CA10: variants seen among roughly 807,000 people sequenced by gnomAD.
CA10 encodes the protein carbonic anhydrase-related protein 10.
CA10 carries 14 observed loss-of-function variants against 44.2 expected under a neutral mutation model. The observed-to-expected ratio is 0.32, with a 90% CI of 0.21 to 0.50. The LOEUF is 0.50. Among genes scored for constraint, CA10 ranks in the 20% least tolerant of loss-of-function variants. The pLI is 0.99. For missense variants in CA10, 350 were observed against 409.7 expected, an observed-to-expected ratio of 0.85 and a Z score of 1.26; for synonymous variants, 159 against 141.6, an observed-to-expected ratio of 1.12 and a Z score of -0.87.
chr17:52,150,207 G>C (rs1269909839), intron 1 of CA10, among the ~76,000 whole-genome samples: 1 of 151,896 alleles, frequency 6.6e-6, no homozygotes, highest in African/African-American at 2.4e-5. Context: ...AATCTTCCAC[G>C]ACAACTCTTT....
At chr17:51,682,363 G>A (rs965030341) in intron 4 of CA10, among the ~76,000 whole-genome samples, 3 of 152,340 alleles carry the variant, frequency 2.0e-5, no homozygotes, top group East Asian at 1.9e-4. Context: ...CCTGGCCACT[G>A]TGAGGAGGCT....
At chr17:51,930,918 C>G in intron 3 of CA10, 72 bp downstream of exon 3, 1 of 1,566,922 alleles carries the variant, frequency 6.4e-7, no homozygotes, top group Admixed American at 1.7e-5. Context: ...AGACTGAAGC[C>G]TTGAGGATTA....
chr17:52,000,211 C>T (rs187383434), intron 2 of CA10, among the ~76,000 whole-genome samples: 3 of 152,178 alleles, frequency 2.0e-5, no homozygotes, highest in African/African-American at 4.8e-5. Flanking sequence ...TTAAGGAAGT[C>T]CTCAAGCCCT....
chr17:51,782,159 T>C (rs1377695624), intron 3 of CA10, among the ~76,000 whole-genome samples: 3 of 152,272 alleles, frequency 2.0e-5, no homozygotes, highest in African/African-American at 7.2e-5. Flanking sequence ...AGACTTAATT[T>C]GAAAAGACTT....
At chr17:52,129,579 A>T (rs1187905071) in intron 1 of CA10, among the ~76,000 whole-genome samples, 1 of 152,224 alleles carries the variant, frequency 6.6e-6, no homozygotes, top group East Asian at 1.9e-4. Flanking sequence ...GAGCTTAACC[A>T]GTGAGACTTT....
At position 51,631,348 on chromosome 17, in the gene CA10, TTGCATGTGTTTGTATGTATG is replaced by T; in HGVS notation, c.*216_*235del. 1.8e-6 allele frequency: 1 copy of T among 569,074 alleles called. No homozygotes were observed. Among genetic ancestry groups the T allele is most frequent in the South Asian group, 2.2e-5 (1 of 45,680 alleles). The allele number at this position is 569,074 out of a possible 1,614,324, so 35.3% of individuals were successfully genotyped here. On this transcript the variant is annotated 3_prime_UTR_variant, in exon 9 of 9. Coordinates refer to ENST00000451037, the MANE Select transcript of CA10 (RefSeq NM_020178.5). ...AGAGTGTGTGTGTGTGTAGGTATGT[TTGCATGTGTTTGTATGTATG>T]TGCAAGTGCTTGTGTGTGTGTTTGT...
chr17:52,010,625 T>G (rs1051547839), intron 2 of CA10, among the ~76,000 whole-genome samples: 2 of 151,082 alleles, frequency 1.3e-5, no homozygotes, highest in Admixed American at 1.3e-4. Flanking sequence ...TGGGGGAAAA[T>G]GTGGGGGATG....
At chr17:51,984,527 T>C (rs984065278) in intron 2 of CA10, among the ~76,000 whole-genome samples, 3 of 151,268 alleles carry the variant, frequency 2.0e-5, no homozygotes, top group African/African-American at 7.3e-5. Flanking sequence ...CTAAATAACA[T>C]AGAAACAAAC....
At chr17:51,879,258 G>C (rs150824097) in intron 3 of CA10, among the ~76,000 whole-genome samples, 1 of 152,188 alleles carries the variant, frequency 6.6e-6, no homozygotes, top group Admixed American at 6.5e-5. Context: ...ATTTTTTCAT[G>C]TGTAGCTCTA....
At chr17:51,910,117 G>A (rs1981728543) in intron 3 of CA10, among the ~76,000 whole-genome samples, 1 of 152,070 alleles carries the variant, frequency 6.6e-6, no homozygotes, top group African/African-American at 2.4e-5. Flanking sequence ...AATAACAGAA[G>A]GGGAGGCTCA....
intron 3 of CA10, among the ~76,000 whole-genome samples, chr17:51,765,400 C>T (rs1291885072): frequency 9.2e-5 from 14 of 152,080 alleles, no homozygotes; most frequent in Admixed American, 9.2e-4. Context: ...CAATACAGCA[C>T]AGTTCATTTT....
At chr17:52,050,192 T>C (rs1168214407) in intron 2 of CA10, among the ~76,000 whole-genome samples, 1 of 152,044 alleles carries the variant, frequency 6.6e-6, no homozygotes, top group Admixed American at 6.6e-5. Context: ...ATTCAGACAA[T>C]GGCACCATCA....
Position 52,105,012 on chromosome 17 carries a change from G to A in CA10, c.62-32619C>T, listed in dbSNP as rs150894260. ...TAGCTGCACTTTAGACTCACCTGAA[G>A]TCTAGACGCTCAGCTTCCAGGGATT... On this transcript the variant is annotated intron_variant, in intron 1 of 8. Transcript: ENST00000451037. 2.7e-3 allele frequency among the ~76,000 whole-genome samples: 415 copies of A among 152,282 alleles called. 1 individual carries two copies. The highest frequency in any genetic ancestry group is 9.6e-3 in the African/African-American group (399 of 41,560).
At chr17:52,062,636 AC>A (rs1446876291) in intron 2 of CA10, among the ~76,000 whole-genome samples, 2 of 152,126 alleles carry the variant, frequency 1.3e-5, no homozygotes, top group Non-Finnish European at 2.9e-5. Flanking sequence ...GGCACAAATA[AC>A]CCCACATACT....
chr17:52,016,059 G>A (rs920731923), intron 2 of CA10, among the ~76,000 whole-genome samples: 15 of 151,950 alleles, frequency 9.9e-5, no homozygotes, highest in African/African-American at 3.6e-4. Context: ...GAGAAGGGTG[G>A]GATGGATGGA....
At chr17:51,893,799 C>T (rs565007871) in intron 3 of CA10, among the ~76,000 whole-genome samples, 1 of 152,124 alleles carries the variant, frequency 6.6e-6, no homozygotes, top group African/African-American at 2.4e-5. Context: ...GTTATTCAGA[C>T]AAAATCAGAG....
intron 1 of CA10, among the ~76,000 whole-genome samples, chr17:52,138,223 T>C (rs1378191611): frequency 6.6e-6 from 1 of 152,228 alleles, no homozygotes; most frequent in Non-Finnish European, 1.5e-5. Context: ...CCTCAGCTTC[T>C]GTTCTCACAT....
chr17:51,792,713 T>C (rs1270302486), intron 3 of CA10, among the ~76,000 whole-genome samples: 1 of 152,210 alleles, frequency 6.6e-6, no homozygotes, highest in African/African-American at 2.4e-5. Context: ...TGGTCTGCAT[T>C]ATACAGTGAG....
At position 52,088,413 on chromosome 17, in the gene CA10, G is replaced by C. The variant is rs73360913; in HGVS notation, c.62-16020C>G. On this transcript the variant is annotated intron_variant, in intron 1 of 8. Coordinates refer to ENST00000451037, the MANE Select transcript of CA10 (RefSeq NM_020178.5). ...TTCTGTCTTGTTGGCTTATAGAAAA[G>C]TGACTCTAGAGGAGTATGTGCACCC... Among the ~76,000 whole-genome samples the C allele has an allele frequency of 7.9e-3, 1,202 of 152,278 alleles. 24 individuals carry two copies. Among genetic ancestry groups the C allele is most frequent in the African/African-American group, 0.028 (1,152 of 41,546 alleles).
Sources: gnomAD v4.1 joint callset for allele counts (sites outside exome capture counted in the v4.1 genomes callset) on GRCh38, gnomAD v4.1.1 for gene constraint, MANE v1.5 for transcripts, NCBI Gene and HGNC (gene_info 2026-07-23, HGNC 2026-07-21) for gene names.